GLIS3: variants seen among roughly 807,000 people sequenced by gnomAD.
GLIS3 encodes the protein GLIS family zinc finger 3.
In GLIS3, 53 loss-of-function variants were observed where a neutral mutation model predicts 78.6. The ratio of observed to expected loss-of-function variants is 0.67; its 90% CI spans 0.54 to 0.85. The LOEUF (loss-of-function observed/expected upper bound fraction) is 0.85. GLIS3 is among the 40% of genes least tolerant of loss of function. GLIS3 has a pLI of 0.00. For missense variants in GLIS3, 1,703 were observed against 1,231.1 expected (o/e 1.38, Z -5.74); for synonymous variants, 684 against 509.9 (o/e 1.34, Z -4.60).
At chr9:3,946,016 C>G (rs1185720140) in intron 4 of GLIS3, among the ~76,000 whole-genome samples, 1 of 152,134 alleles carries the variant, frequency 6.6e-6, no homozygotes, top group Admixed American at 6.6e-5. Flanking sequence ...TGCTTTTTGC[C>G]TCTCACCTTT....
intron 6 of GLIS3, among the ~76,000 whole-genome samples, chr9:3,904,995 C>T (rs1253101541): frequency 7.4e-5 from 11 of 149,368 alleles, no homozygotes; most frequent in South Asian, 2.1e-4. Flanking sequence ...TTTTTTGAGA[C>T]GGAGTCTTGC....
At chr9:3,947,597 C>G (rs998511694) in intron 4 of GLIS3, among the ~76,000 whole-genome samples, 1 of 152,050 alleles carries the variant, frequency 6.6e-6, no homozygotes, top group African/African-American at 2.4e-5. Flanking sequence ...ATGAATTTGC[C>G]AAGAGAGAAA....
At chr9:3,925,602 C>T (rs182731937) in intron 6 of GLIS3, among the ~76,000 whole-genome samples, 1 of 145,704 alleles carries the variant, frequency 6.9e-6, no homozygotes, top group Non-Finnish European at 1.6e-5. Flanking sequence ...TGTGCGTGTG[C>T]GCGCGTGTGT....
chr9:4,481,092 C>A, the GLIS3 span, among the ~76,000 whole-genome samples: 658 of 152,192 alleles, frequency 4.3e-3, 4 homozygotes, highest in African/African-American at 0.014. Flanking sequence ...CTGGGCTCAA[C>A]TGATCCTCCC....
At chr9:4,070,885 C>T (rs1174342381) in intron 4 of GLIS3, 1 of 152,170 alleles carries the variant, frequency 6.6e-6, no homozygotes, top group East Asian at 1.9e-4. Context: ...AGCTTCTCAA[C>T]ACAGTAGCAA....
intron 6 of GLIS3, among the ~76,000 whole-genome samples, chr9:3,914,153 TC>T (rs34816220): frequency 6.6e-6 from 1 of 151,934 alleles, no homozygotes; most frequent in Non-Finnish European, 1.5e-5. Context: ...TCTTTCTTTC[TC>T]TTTTTTTAGA....
intron 4 of GLIS3, chr9:4,034,536 A>G (rs1304172894): frequency 6.6e-6 from 1 of 152,162 alleles, no homozygotes; most frequent in East Asian, 1.9e-4. Flanking sequence ...CCCTTCAGGG[A>G]TCCTTTGGTC....
At chr9:4,326,434 C>T (rs1817601399) in intron 2 of GLIS3, among the ~76,000 whole-genome samples, 1 of 152,114 alleles carries the variant, frequency 6.6e-6, no homozygotes, top group South Asian at 2.1e-4. Flanking sequence ...AAACATTATG[C>T]TAAGTGAAAT....
intron 9 of GLIS3, among the ~76,000 whole-genome samples, chr9:3,852,003 G>C (rs917363241): frequency 6.6e-6 from 1 of 152,138 alleles, no homozygotes; most frequent in African/African-American, 2.4e-5. Context: ...AAATTAGCTG[G>C]ATGTGGGGGC....
intron 4 of GLIS3, among the ~76,000 whole-genome samples, chr9:3,956,928 C>G (rs549493404): frequency 6.6e-6 from 1 of 152,322 alleles, no homozygotes; most frequent in East Asian, 1.9e-4. Flanking sequence ...CACTTACAGT[C>G]ACAAGCTGAT....
chr9:4,433,417 G>A, the GLIS3 span, among the ~76,000 whole-genome samples: 2 of 152,164 alleles, frequency 1.3e-5, no homozygotes, highest in African/African-American at 2.4e-5. Context: ...AGGTGACAGA[G>A]CGAGACTCTG....
the GLIS3 span, among the ~76,000 whole-genome samples, chr9:4,422,441 A>G: frequency 1.3e-5 from 2 of 152,228 alleles, no homozygotes; most frequent in Non-Finnish European, 2.9e-5. Context: ...TGATAAAAAG[A>G]AGACATGGTT....
At chr9:4,290,698 TCAGAA>T in intron 1 of GLIS3, among the ~76,000 whole-genome samples, 1 of 152,236 alleles carries the variant, frequency 6.6e-6, no homozygotes, top group East Asian at 1.9e-4. Flanking sequence ...GACTGACTCC[TCAGAA>T]AAGACTGTAT....
At chr9:3,938,956 T>C (rs62523480) in intron 4 of GLIS3, among the ~76,000 whole-genome samples, 6,053 of 152,306 alleles carry the variant, frequency 0.04, 168 homozygotes, top group Non-Finnish European at 0.061. Context: ...AGGGTTCTCT[T>C]TGAATGACGA....
chr9:4,200,169 G>C (rs1586956337), intron 2 of GLIS3, among the ~76,000 whole-genome samples: 3 of 152,194 alleles, frequency 2.0e-5, no homozygotes, highest in Middle Eastern at 6.8e-3. Flanking sequence ...GCTAACAGGA[G>C]TTTTTAGTGC....
At chr9:4,242,581 C>G (rs912925393) in intron 2 of GLIS3, among the ~76,000 whole-genome samples, 1 of 152,116 alleles carries the variant, frequency 6.6e-6, no homozygotes, top group South Asian at 2.1e-4. Context: ...GCTCCCCATA[C>G]CCAGTGGGTT....
chr9:4,125,654 G>A (rs1586743780), intron 3 of GLIS3, 80 bp downstream of exon 3: 2 of 890,500 alleles, frequency 2.2e-6, no homozygotes, highest in Admixed American at 1.7e-5. Flanking sequence ...GTGTGTGTGT[G>A]TATTCAGAAA....
At chr9:4,011,667 G>C (rs116418733) in intron 4 of GLIS3, among the ~76,000 whole-genome samples, 182 of 152,268 alleles carry the variant, frequency 1.2e-3, no homozygotes, top group African/African-American at 4.2e-3. Flanking sequence ...CTGAATAGGA[G>C]GGAGTTGCCC....
chr9:4,335,248 T>G (rs184732316), intron 2 of GLIS3, among the ~76,000 whole-genome samples: 1 of 152,128 alleles, frequency 6.6e-6, no homozygotes, highest in Non-Finnish European at 1.5e-5. Flanking sequence ...AGTGCCATAA[T>G]TGAAACAAAT....
Sources: gnomAD v4.1 joint callset for allele counts (sites outside exome capture counted in the v4.1 genomes callset) on GRCh38, gnomAD v4.1.1 for gene constraint, MANE v1.5 for transcripts, NCBI Gene and HGNC (gene_info 2026-07-23, HGNC 2026-07-21) for gene names.